SMAP1: variants seen among roughly 807,000 people sequenced by gnomAD.
The protein encoded by SMAP1 is small ArfGAP 1.
Under a neutral mutation model 58.5 loss-of-function variants are expected in SMAP1, and 24 were observed. That is an observed-to-expected ratio of 0.41 (90% CI 0.30 to 0.58). SMAP1 has a LOEUF of 0.58. Among genes scored for constraint, SMAP1 ranks in the 20% least tolerant of loss-of-function variants. The pLI is 0.29. For synonymous variants in SMAP1, 216 were observed against 196.6 expected (o/e 1.10, Z -0.82); for missense variants, 563 against 566.3 (o/e 0.99, Z 0.06).
At position 70,824,806 on chromosome 6, in the gene SMAP1, C is replaced by T. The variant is rs537707285; in HGVS notation, c.577-12135C>T. Among the ~76,000 whole-genome samples, 196 of 152,318 alleles carry T rather than the reference C, an allele frequency of 1.3e-3. 1 individual carries two copies. The highest frequency in any genetic ancestry group is 2.3e-3 in the Non-Finnish European group (156 of 68,034). On this transcript the variant is annotated intron_variant, in intron 6 of 10. Coordinates refer to ENST00000370455, the MANE Select transcript of SMAP1 (RefSeq NM_001044305.3). ...CGATGAGGAAAGGAAAAAGAACTGT[C>T]GGCTGCCCTTTTTTCTTTCTCTGTC...
intron 3 of SMAP1, among the ~76,000 whole-genome samples, chr6:70,772,279 G>A (rs767333905): frequency 6.6e-6 from 1 of 152,106 alleles, no homozygotes; most frequent in Non-Finnish European, 1.5e-5. Context: ...ATTACCTGTT[G>A]CCTCAACTGT....
intron 1 of SMAP1, among the ~76,000 whole-genome samples, chr6:70,716,933 G>A (rs1768291731): frequency 6.6e-6 from 1 of 152,064 alleles, no homozygotes. Flanking sequence ...CTCTTGGTTT[G>A]GCTTCTGTGC....
intron 1 of SMAP1, among the ~76,000 whole-genome samples, chr6:70,722,818 C>T (rs1768589743): frequency 6.6e-6 from 1 of 152,242 alleles, no homozygotes; most frequent in Non-Finnish European, 1.5e-5. Flanking sequence ...AAGCGGTTTT[C>T]CACGCTGGGT....
chr6:70,719,456 A>G (rs1768418575), intron 1 of SMAP1, among the ~76,000 whole-genome samples: 1 of 152,214 alleles, frequency 6.6e-6, no homozygotes, highest in Admixed American at 6.5e-5. Context: ...CCAGATTCAA[A>G]TGGTAACATT....
chr6:70,724,769 G>A (rs1768691735), intron 1 of SMAP1, among the ~76,000 whole-genome samples: 1 of 152,048 alleles, frequency 6.6e-6, no homozygotes, highest in South Asian at 2.1e-4. Context: ...ATAACCACAG[G>A]TGACTAGGTC....
Position 70,732,401 on chromosome 6 carries a change from A to G in SMAP1, c.142A>G (p.Ile48Val). The change falls in exon 2 of 11, where the codon ATT (isoleucine) becomes GTT (valine). Residue 48 changes from isoleucine to valine, a missense_variant. Physicochemically the swap from Ile to Val is conservative, Grantham distance 29. This residue lies in a region of SMAP1 where 17 missense variants were observed against 45.9 expected (regional missense o/e 0.37). Transcript: ENST00000370455. ...AGGTCCTCGATGGGCTTCCTGGAAT[A>G]TTGGTGTGTTTATTTGCATCAGATG... ...AKGPRWASWN[I>V]GVFICIRCAG... is the part of the protein sequence containing the mutation. 6.2e-7 allele frequency: 1 copy of G among 1,609,796 alleles called. No individual in the cohort carries two copies. The highest frequency in any genetic ancestry group is 8.5e-7 in the Non-Finnish European group (1 of 1,177,966).
intron 2 of SMAP1, among the ~76,000 whole-genome samples, chr6:70,732,990 T>A (rs893545134): frequency 6.6e-6 from 1 of 152,108 alleles, no homozygotes; most frequent in African/African-American, 2.4e-5. Context: ...TACTTATGAG[T>A]GGTTTAACTC....
intron 3 of SMAP1, among the ~76,000 whole-genome samples, chr6:70,769,933 C>T (rs1331197027): frequency 6.6e-6 from 1 of 151,336 alleles, no homozygotes; most frequent in Admixed American, 6.6e-5. Context: ...CAGGAGCTCT[C>T]TTAGGGCAGG....
chr6:70,824,522 T>G (rs1770031902), intron 6 of SMAP1, among the ~76,000 whole-genome samples: 1 of 152,142 alleles, frequency 6.6e-6, no homozygotes, highest in South Asian at 2.1e-4. Context: ...AATGTTGTTT[T>G]AAATCAAGAA....
chr6:70,702,211 T>C (rs555039856), intron 1 of SMAP1, among the ~76,000 whole-genome samples: 4 of 149,904 alleles, frequency 2.7e-5, no homozygotes, highest in African/African-American at 9.7e-5. Flanking sequence ...TGTTTCTTTT[T>C]TGGGGGGGGT....
At chr6:70,850,422 T>G (rs1771139320) in intron 7 of SMAP1, among the ~76,000 whole-genome samples, 1 of 152,168 alleles carries the variant, frequency 6.6e-6, no homozygotes, top group Non-Finnish European at 1.5e-5. Flanking sequence ...TGGAAATAGT[T>G]GCTTATATTC....
At chr6:70,859,540 CTGA>C in intron 10 of SMAP1, 1 of 620,604 alleles carries the variant, frequency 1.6e-6, no homozygotes, top group Non-Finnish European at 2.7e-6. Context: ...CAGTCTAACT[CTGA>C]GTGTAAGTTT....
intron 6 of SMAP1, among the ~76,000 whole-genome samples, chr6:70,820,279 T>G (rs971340230): frequency 2.0e-5 from 3 of 152,214 alleles, no homozygotes; most frequent in Non-Finnish European, 2.9e-5. Flanking sequence ...GTTTATAGAT[T>G]TTCATGTCAT....
chr6:70,772,795 G>A (rs1190335229), intron 3 of SMAP1: 2 of 152,208 alleles, frequency 1.3e-5, no homozygotes, highest in Non-Finnish European at 2.9e-5. Flanking sequence ...CCTATATGAT[G>A]TGCCCAGGGA....
At chr6:70,709,345 T>C (rs1333464741) in intron 1 of SMAP1, among the ~76,000 whole-genome samples, 2 of 152,302 alleles carry the variant, frequency 1.3e-5, no homozygotes, top group Admixed American at 6.5e-5. Flanking sequence ...TATAATACTT[T>C]TTTTTTCTTT....
intron 1 of SMAP1, among the ~76,000 whole-genome samples, chr6:70,688,468 C>T (rs1468185924): frequency 6.6e-6 from 1 of 152,104 alleles, no homozygotes; most frequent in African/African-American, 2.4e-5. Context: ...GGTGTTGTGA[C>T]TGTTTTTTAT....
chr6:70,802,471 C>T (rs1018376989), intron 6 of SMAP1, among the ~76,000 whole-genome samples: 2 of 152,148 alleles, frequency 1.3e-5, no homozygotes, highest in Admixed American at 1.3e-4. Flanking sequence ...AATTTGACTT[C>T]CTCTTTTCCT....
At position 70,682,628 on chromosome 6, in the gene SMAP1, C is replaced by CT. The variant is rs1327450053; in HGVS notation, c.118+14496dup. ...GCTGCTATAAAGCTTTGTGTGCGCA[C>CT]TTTTTTTTTCAGAATAAAATCTAAG... is the stretch of plus-strand genomic sequence containing the variant. On this transcript the variant is annotated intron_variant, in intron 1 of 10. Coordinates refer to ENST00000370455, the MANE Select transcript of SMAP1 (RefSeq NM_001044305.3). Among the ~76,000 whole-genome samples, 77 of 151,882 alleles carry CT rather than the reference C, an allele frequency of 5.1e-4. No homozygotes were observed. The East Asian group carries it at 7.4e-3, about 15-fold the overall frequency.
At chr6:70,851,513 G>T (rs983312461) in intron 7 of SMAP1, among the ~76,000 whole-genome samples, 1 of 152,186 alleles carries the variant, frequency 6.6e-6, no homozygotes, top group Non-Finnish European at 1.5e-5. Flanking sequence ...ACTGTAAATT[G>T]TTAAGATAGA....
Sources: allele counts gnomAD v4.1 joint callset (sites outside exome capture counted in the v4.1 genomes callset), GRCh38; gene constraint gnomAD v4.1.1; regional missense constraint gnomAD v4.1.1; transcripts MANE v1.5; gene names NCBI Gene and HGNC (gene_info 2026-07-23, HGNC 2026-07-21).